ANKRD30B: variants seen among roughly 807,000 people sequenced by gnomAD.
ANKRD30B encodes ankyrin repeat domain-containing protein 30B.
Under a neutral mutation model 202.2 loss-of-function variants are expected in ANKRD30B, and 144 were observed. The observed-to-expected ratio is 0.71, with a 90% CI of 0.62 to 0.82. ANKRD30B has a LOEUF of 0.82. ANKRD30B is among the 40% of genes least tolerant of loss of function. The probability of loss-of-function intolerance (pLI) is 0.00; values close to 1 mark genes in which losing one functional copy is unlikely to be tolerated. For synonymous variants in ANKRD30B, 508 were observed against 561.3 expected (o/e 0.91, Z 1.34); for missense variants, 1,487 against 1,669.1 (o/e 0.89, Z 1.90).
chr18:14,911,938 T>C, the ANKRD30B span, among the ~76,000 whole-genome samples: 2 of 152,314 alleles, frequency 1.3e-5, no homozygotes, highest in East Asian at 3.9e-4. Context: ...TACTGGTATA[T>C]ACAAATTTTA....
the ANKRD30B span, among the ~76,000 whole-genome samples, chr18:14,865,680 CT>C: frequency 6.6e-6 from 1 of 151,010 alleles, no homozygotes; most frequent in Admixed American, 6.6e-5. Flanking sequence ...GCTCACCATC[CT>C]TTTTTCCTTT....
the ANKRD30B span, among the ~76,000 whole-genome samples, chr18:14,877,154 G>A: frequency 6.6e-6 from 1 of 152,242 alleles, no homozygotes; most frequent in African/African-American, 2.4e-5. Context: ...TTAGTCTGGG[G>A]CCTACTGGGA....
chr18:14,769,359 A>G lies in ANKRD30B; in HGVS notation c.1242A>G (p.Val414=), dbSNP rs1916738161. Residue 414 remains valine, a synonymous_variant, in exon 8 of 44, where the codon GTA becomes GTG. Coordinates refer to ENST00000690538, the MANE Select transcript of ANKRD30B (RefSeq NM_001367607.2). ...CTTTAATAGTGGATGTGAGTTCTGT[A>G]GAGCCTATATTCAGGTAAGACTTTG... ...KASTNVDVSS[V]EPIFSLFGTR... is the part of the protein sequence containing the mutation. The G allele has an allele frequency of 6.5e-7, 1 of 1,544,560 alleles. No individual in the cohort carries two copies. Among genetic ancestry groups the G allele is most frequent in the African/African-American group, 1.4e-5 (1 of 72,838 alleles).
At chr18:14,796,175 T>C (rs779549064) in intron 16 of ANKRD30B, 46 bp from the exon 17 acceptor site, 1 of 1,532,872 alleles carries the variant, frequency 6.5e-7, no homozygotes, top group Admixed American at 1.7e-5. Flanking sequence ...TGGTAGGCTT[T>C]GTCAGGCTTG....
the ANKRD30B span, chr18:14,883,419 A>C: frequency 6.9e-5 from 2 of 29,128 alleles, no homozygotes; most frequent in African/African-American, 9.5e-5. Flanking sequence ...ATATATATAT[A>C]TATATATCTA....
chr18:14,821,401 A>G (rs866654589), intron 30 of ANKRD30B, among the ~76,000 whole-genome samples: 2 of 151,802 alleles, frequency 1.3e-5, no homozygotes, highest in Admixed American at 6.6e-5. Flanking sequence ...CTTGCCTTCT[A>G]CTAGCTTTTG....
At chr18:14,850,552 A>G (rs1242942771) in intron 41 of ANKRD30B, among the ~76,000 whole-genome samples, 170 bp downstream of exon 41, 1 of 151,862 alleles carries the variant, frequency 6.6e-6, no homozygotes, top group Non-Finnish European at 1.5e-5. Context: ...AAATTATGGC[A>G]TGCAAATAGT....
At chr18:14,778,365 C>T (rs1967512093) in intron 10 of ANKRD30B, among the ~76,000 whole-genome samples, 1 of 152,024 alleles carries the variant, frequency 6.6e-6, no homozygotes. Context: ...GTACATGAGG[C>T]AACAAGAAAT....
intron 8 of ANKRD30B, among the ~76,000 whole-genome samples, chr18:14,769,694 G>C (rs988457500): frequency 6.6e-6 from 1 of 152,182 alleles, no homozygotes; most frequent in Admixed American, 6.6e-5. Context: ...GATTGATGGA[G>C]ACCTCTGCAT....
chr18:14,752,758 A>G, intron 2 of ANKRD30B, 78 bp downstream of exon 2: 5 of 1,533,086 alleles, frequency 3.3e-6, no homozygotes, highest in Non-Finnish European at 4.4e-6. Flanking sequence ...TAGTTGAAAT[A>G]CAACTAGTTT....
At chr18:14,860,489 T>A in the ANKRD30B span, among the ~76,000 whole-genome samples, 1 of 137,634 alleles carries the variant, frequency 7.3e-6, no homozygotes, top group Non-Finnish European at 1.6e-5. Context: ...ACTCCTCACC[T>A]CCCAGATGGG....
At chr18:14,826,983 C>T (rs1471768096) in intron 32 of ANKRD30B, among the ~76,000 whole-genome samples, 1 of 152,086 alleles carries the variant, frequency 6.6e-6, no homozygotes, top group Non-Finnish European at 1.5e-5. Flanking sequence ...GTATTGTACT[C>T]GCCCTTCTTT....
chr18:14,903,873 A>T, the ANKRD30B span, among the ~76,000 whole-genome samples: 1 of 152,184 alleles, frequency 6.6e-6, no homozygotes. Flanking sequence ...CTTTTTCTAC[A>T]TCGAGGAACA....
At chr18:14,806,664 TTGA>T (rs1395553221) in intron 24 of ANKRD30B, among the ~76,000 whole-genome samples, 1 of 149,226 alleles carries the variant, frequency 6.7e-6, no homozygotes, top group African/African-American at 2.5e-5. Flanking sequence ...AAACGGTTCG[TTGA>T]TGATGAGATA....
intron 34 of ANKRD30B, among the ~76,000 whole-genome samples, chr18:14,833,410 A>T (rs1318608751): frequency 6.6e-6 from 1 of 152,172 alleles, no homozygotes; most frequent in Non-Finnish European, 1.5e-5. Flanking sequence ...CACCACGCCC[A>T]GCTAATCTTT....
intron 16 of ANKRD30B, among the ~76,000 whole-genome samples, chr18:14,795,630 T>A (rs1568020133): frequency 6.6e-6 from 1 of 152,172 alleles, no homozygotes; most frequent in Non-Finnish European, 1.5e-5. Context: ...ATAAATATAT[T>A]TATAAACTTT....
the ANKRD30B span, among the ~76,000 whole-genome samples, chr18:14,892,970 T>C: frequency 6.6e-6 from 1 of 151,996 alleles, no homozygotes; most frequent in Admixed American, 6.6e-5. Context: ...TTTAATCTTA[T>C]CCCTCCACAT....
chr18:14,926,421 C>T, the ANKRD30B span, among the ~76,000 whole-genome samples: 1 of 152,134 alleles, frequency 6.6e-6, no homozygotes, highest in Non-Finnish European at 1.5e-5. Flanking sequence ...TTGGGGAGGA[C>T]TCCCTTGATG....
the ANKRD30B span, among the ~76,000 whole-genome samples, chr18:14,867,841 A>T: frequency 2.0e-5 from 3 of 152,196 alleles, no homozygotes; most frequent in Non-Finnish European, 4.4e-5. Flanking sequence ...GGCCCCAGCC[A>T]CCCAGTGGCC....
Sources: allele counts gnomAD v4.1 joint callset (sites outside exome capture counted in the v4.1 genomes callset), GRCh38; gene constraint gnomAD v4.1.1; transcripts MANE v1.5; gene names NCBI Gene and HGNC (gene_info 2026-07-23, HGNC 2026-07-21).